Variants in TRAF1 observed in about 807,000 individuals in gnomAD.
TRAF1 encodes the protein TNF receptor associated factor 1.
In TRAF1, 23 loss-of-function variants were observed where a neutral mutation model predicts 40.9. That is an observed-to-expected ratio of 0.56 (90% CI 0.40 to 0.80). The LOEUF is 0.80. Among genes scored for constraint, TRAF1 ranks in the 30% least tolerant of loss-of-function variants. The pLI, the probability that TRAF1 is intolerant of heterozygous loss-of-function variation, is 0.00. For synonymous variants in TRAF1, 206 were observed against 218.8 expected, an observed-to-expected ratio of 0.94 and a Z score of 0.52; for missense variants, 477 against 528.7, an observed-to-expected ratio of 0.90 and a Z score of 0.96.
chr9:120,924,338 G>A (rs1212964836), intron 2 of TRAF1, among the ~76,000 whole-genome samples: 1 of 152,168 alleles, frequency 6.6e-6, no homozygotes, highest in African/African-American at 2.4e-5. Context: ...ATCTGTCCTA[G>A]AGGTTCTTAA....
At chr9:120,918,032 A>G (rs1186723833) in intron 3 of TRAF1, among the ~76,000 whole-genome samples, 1 of 152,192 alleles carries the variant, frequency 6.6e-6, no homozygotes, top group East Asian at 1.9e-4. Flanking sequence ...AAATTTGAAG[A>G]AGGACCACAT....
chr9:120,923,852 C>T (rs1588153678), intron 2 of TRAF1, 60 bp from the exon 3 acceptor site: 7 of 1,432,492 alleles, frequency 4.9e-6, no homozygotes, highest in South Asian at 4.6e-5. Context: ...ACCATCCACT[C>T]TCCTGACAGC....
chr9:120,919,351 G>A (rs1168933618), intron 3 of TRAF1, among the ~76,000 whole-genome samples: 3 of 152,196 alleles, frequency 2.0e-5, no homozygotes, highest in Admixed American at 6.5e-5. Context: ...TGGTGTTTCC[G>A]GCCACCCTGG....
chr9:120,914,654 G>T, intron 3 of TRAF1: 1 of 914,372 alleles, frequency 1.1e-6, no homozygotes, highest in Non-Finnish European at 1.3e-6. Flanking sequence ...GGCAGTGCCT[G>T]GCACAGCTGA....
chr9:120,907,513 TG>T (rs2046492106), intron 7 of TRAF1, among the ~76,000 whole-genome samples: 1 of 152,220 alleles, frequency 6.6e-6, no homozygotes, highest in South Asian at 2.1e-4. Flanking sequence ...CTATATCGTT[TG>T]GTAAGAGTGT....
chr9:120,915,253 G>A (rs546649003), intron 3 of TRAF1, among the ~76,000 whole-genome samples: 2 of 152,306 alleles, frequency 1.3e-5, no homozygotes, highest in Admixed American at 6.5e-5. Flanking sequence ...GCTACACACC[G>A]AAACTCTGTG....
rs1458758429 is a variant in TRAF1 at position 120,903,965 on chromosome 9, G to A, written c.*1055C>T. ...AAACCATACACTTTAGGAAAACTTC[G>A]AAAGAGATTCTAAAAATTATTTCTT... On this transcript the variant is annotated 3_prime_UTR_variant, in exon 8 of 8. Transcript: ENST00000373887. 3 of 152,216 alleles carry A rather than the reference G, an allele frequency of 2.0e-5. No individual in the cohort carries two copies. Among genetic ancestry groups the A allele is most frequent in the Non-Finnish European group, 2.9e-5 (2 of 68,054 alleles). The allele number at this position is 152,216 out of a possible 1,614,324, so 9.4% of individuals were successfully genotyped here. A position where few individuals can be genotyped will look rare whatever the true frequency, so the allele number is the denominator to read the frequency against.
At chr9:120,908,065 T>TTTA (rs909855089) in intron 7 of TRAF1, among the ~76,000 whole-genome samples, 17 of 151,442 alleles carry the variant, frequency 1.1e-4, no homozygotes, top group Non-Finnish European at 1.9e-4. Flanking sequence ...GCTGATGGTT[T>TTTA]TTATTATTAT....
chr9:120,913,789 G>T, intron 4 of TRAF1, 51 bp from the exon 5 acceptor site: 1 of 1,505,340 alleles, frequency 6.6e-7, no homozygotes, highest in South Asian at 1.3e-5. Flanking sequence ...AGTGAGGACA[G>T]GGGAGCAGTG....
intron 7 of TRAF1, among the ~76,000 whole-genome samples, 194 bp from the exon 8 acceptor site, chr9:120,905,432 G>A (rs144180191): frequency 4.3e-4 from 66 of 152,352 alleles, no homozygotes; most frequent in African/African-American, 1.5e-3. Context: ...GGGAGCCAGC[G>A]GCACCTGGTA....
At chr9:120,923,622 TG>T (rs973055057) in intron 3 of TRAF1, 82 bp downstream of exon 3, 145 of 1,318,244 alleles carry the variant, frequency 1.1e-4, no homozygotes, top group Admixed American at 3.9e-4. Context: ...CTGCCAGGGG[TG>T]GAGTGGGCAG....
chr9:120,913,236 A>C, intron 5 of TRAF1, 92 bp downstream of exon 5: 1 of 1,433,186 alleles, frequency 7.0e-7, no homozygotes, highest in South Asian at 1.4e-5. Context: ...TGCTGTAAGC[A>C]GGATGAATGA....
chr9:120,923,441 G>C (rs1349106138), intron 3 of TRAF1, among the ~76,000 whole-genome samples: 1 of 152,150 alleles, frequency 6.6e-6, no homozygotes, highest in South Asian at 2.1e-4. Flanking sequence ...TTAGGTGGTG[G>C]GCCAGAATGT....
Position 120,926,136 on chromosome 9 carries a change from T to G in TRAF1, c.-61A>C. ...GTTGCTCCAGGGCAGGGGACCAGCCTTGTGGAGTCCTGGCCTGGGCCTCAC... is the reference window on the plus strand; with the variant it reads ...GTTGCTCCAGGGCAGGGGACCAGCCGTGTGGAGTCCTGGCCTGGGCCTCAC... On this transcript the variant is annotated 5_prime_UTR_variant, in exon 2 of 8. Coordinates refer to ENST00000373887, the MANE Select transcript of TRAF1 (RefSeq NM_005658.5). 1 of 1,471,474 alleles carries G rather than the reference T, an allele frequency of 6.8e-7. No homozygotes were observed. The highest frequency in any genetic ancestry group is 9.0e-7 in the Non-Finnish European group (1 of 1,111,294). The allele number at this position is 1,471,474 out of a possible 1,614,324, so 91.2% of individuals were successfully genotyped here. A position where few individuals can be genotyped will look rare whatever the true frequency, so the allele number is the denominator to read the frequency against.
chr9:120,909,521 G>T (rs1359391864), intron 6 of TRAF1, 143 bp from the exon 7 acceptor site: 5 of 968,508 alleles, frequency 5.2e-6, no homozygotes, highest in Admixed American at 2.5e-5. Flanking sequence ...CTCGAGTAGG[G>T]TGTCAGACAG....
In TRAF1 at chr9:120,914,300, C is replaced by A. The variant is rs762812867; in HGVS notation, c.229G>T (p.Ala77Ser). Residue 77 changes from alanine (A) to serine (S), a missense_variant and splice_region_variant, in exon 4 of 8, where the codon GCT (alanine) becomes TCT (serine). Ala to Ser is a moderately conservative substitution (Grantham distance 99). Transcript: ENST00000373887. ...CCAGCCTCAGCCACCTCGGGGTGAG[C>A]CTGGAAATAATAATCACATCACTGA... ...PGSRLRTQEKAHPEVAEAGIG... is the reference protein window; with the variant it reads ...PGSRLRTQEKSHPEVAEAGIG... 3 of 1,511,068 alleles carry A rather than the reference C, an allele frequency of 2.0e-6. No individual in the cohort carries two copies. The highest frequency in any genetic ancestry group is 2.7e-6 in the Non-Finnish European group (3 of 1,118,330). 93.6% of individuals were successfully genotyped at this position (1,511,068 alleles called of 1,614,324 possible). A position where few individuals can be genotyped will look rare whatever the true frequency, so the allele number is the denominator to read the frequency against.
intron 3 of TRAF1, among the ~76,000 whole-genome samples, chr9:120,921,681 A>G (rs911285484): frequency 6.6e-6 from 1 of 152,036 alleles, no homozygotes; most frequent in Admixed American, 6.6e-5. Context: ...TGCAGAGTGT[A>G]AAGTTCCAAG....
In TRAF1 at chr9:120,925,981, T is replaced by C. The variant is rs1261296648; in HGVS notation, c.95A>G (p.Glu32Gly). 6.2e-7 allele frequency: 1 copy of C among 1,613,514 alleles called. No homozygotes were observed. The highest frequency in any genetic ancestry group is 2.2e-5 in the East Asian group (1 of 44,818). Reference sequence around the variant, plus strand: ...GCCTGCACAGCAGAGAGCCCTGGGCTCCTTTGGGTCCTGGCAGACGGTGGG... The same window carrying C: ...GCCTGCACAGCAGAGAGCCCTGGGCCCCTTTGGGTCCTGGCAGACGGTGGG... ...CPPTVCQDPK[E>G]PRALCCAGCL... Residue 32 changes from glutamate to glycine, a missense_variant, in exon 2 of 8, where the codon GAG (glutamate) becomes GGG (glycine). Coordinates refer to ENST00000373887, the MANE Select transcript of TRAF1 (RefSeq NM_005658.5).
At chr9:120,911,664 G>T in intron 5 of TRAF1, 151 bp from the exon 6 acceptor site, 4 of 898,872 alleles carry the variant, frequency 4.5e-6, no homozygotes, top group Non-Finnish European at 6.6e-6. Flanking sequence ...GCTGCCCCCT[G>T]CCTGGCCTTC....
Sources: gnomAD v4.1 joint callset for allele counts (sites outside exome capture counted in the v4.1 genomes callset) on GRCh38, gnomAD v4.1.1 for gene constraint, MANE v1.5 for transcripts, NCBI Gene and HGNC (gene_info 2026-07-23, HGNC 2026-07-21) for gene names.